CCM2L: variants seen among roughly 807,000 people sequenced by gnomAD.
CCM2L encodes the protein CCM2 like scaffold protein, also known as cerebral cavernous malformations 2 protein-like.
Under a neutral mutation model 54.1 loss-of-function variants are expected in CCM2L, and 36 were observed. That is an observed-to-expected ratio of 0.67 (90% CI 0.51 to 0.88). The LOEUF is 0.88. Among genes scored for constraint, CCM2L ranks in the 40% least tolerant of loss-of-function variants. CCM2L has a pLI of 0.00. For missense variants in CCM2L, 700 were observed against 812.1 expected, an observed-to-expected ratio of 0.86 and a Z score of 1.68; for synonymous variants, 351 against 359.3, an observed-to-expected ratio of 0.98 and a Z score of 0.26.
At chr20:32,018,763 G>A (rs1228367477) in intron 4 of CCM2L, among the ~76,000 whole-genome samples, 180 bp from the exon 5 acceptor site, 1 of 152,182 alleles carries the variant, frequency 6.6e-6, no homozygotes, top group Admixed American at 6.5e-5. Context: ...CTGAGGCCGG[G>A]GGCGGGCCCG....
At chr20:32,020,950 A>C (rs1459647442) in intron 5 of CCM2L, among the ~76,000 whole-genome samples, 2 of 152,184 alleles carry the variant, frequency 1.3e-5, no homozygotes, top group Non-Finnish European at 2.9e-5. Context: ...TGAGCAATAG[A>C]GCAAGACTCC....
intron 1 of CCM2L, among the ~76,000 whole-genome samples, chr20:32,013,407 C>T (rs1056848555): frequency 7.2e-5 from 11 of 152,170 alleles, no homozygotes; most frequent in South Asian, 2.1e-4. Context: ...AAGCTCCCCC[C>T]GTAGTTCGTG....
At position 32,018,873 on chromosome 20, in the gene CCM2L, C is replaced by T. The variant is rs1434497184; in HGVS notation, c.467-70C>T. On this transcript the variant is annotated intron_variant, in intron 4 of 9. Transcript: ENST00000452892. ...AGAGCCGCGAGGTCAGGTGGCCAGC[C>T]GGCCTCGGCGGGGCGGGGGGGTCTC... The T allele has an allele frequency of 7.3e-6, 9 of 1,237,294 alleles. No homozygotes were observed. In the African/African-American group the frequency reaches 7.9e-5, roughly 11 times the overall value. 76.6% of individuals were successfully genotyped at this position (1,237,294 alleles called of 1,614,324 possible).
At chr20:32,022,955 C>G (rs191971562) in intron 6 of CCM2L, among the ~76,000 whole-genome samples, 160 bp downstream of exon 6, 1 of 146,568 alleles carries the variant, frequency 6.8e-6, no homozygotes, top group Non-Finnish European at 1.5e-5. Context: ...TGTCAATTTT[C>G]TTTTTCTTTT....
At chr20:32,018,894 G>T (rs1487084817) in intron 4 of CCM2L, 49 bp from the exon 5 acceptor site, 14 of 1,253,002 alleles carry the variant, frequency 1.1e-5, no homozygotes, top group Non-Finnish European at 1.3e-5. Flanking sequence ...GGGCGGGGGG[G>T]TCTCTGAGTC....
At position 32,014,966 on chromosome 20, in the gene CCM2L, G is replaced by A; in HGVS notation, c.93G>A (p.Arg31=). 2 of 1,599,250 alleles carry A rather than the reference G, an allele frequency of 1.3e-6. No homozygotes were observed. The highest frequency in any genetic ancestry group is 1.1e-5 in the South Asian group (1 of 90,028). Residue 31 remains arginine (R), a synonymous_variant, in exon 2 of 10, where the codon AGG becomes AGA. Coordinates refer to ENST00000452892, the MANE Select transcript of CCM2L (RefSeq NM_001365692.1). ...FPKAGRRAAC[R]SSVSRRPLHS... Reference sequence around the variant, plus strand: ...AGGCCGGGCGCCGGGCAGCCTGTAGGAGCAGCGTGAGCCGCCGGCCCCTGC... The same window carrying A: ...AGGCCGGGCGCCGGGCAGCCTGTAGAAGCAGCGTGAGCCGCCGGCCCCTGC...
At chr20:32,017,918 G>T (rs1413504350) in intron 3 of CCM2L, 35 bp downstream of exon 3, 4 of 1,612,384 alleles carry the variant, frequency 2.5e-6, no homozygotes, top group African/African-American at 1.3e-5. Flanking sequence ...GCAGGATCTC[G>T]CTCCCTTCTC....
Position 32,015,075 on chromosome 20 carries a change from C to A in CCM2L, c.198+4C>A, listed in dbSNP as rs747769124. The A allele has an allele frequency of 2.7e-6, 4 of 1,494,754 alleles. No individual in the cohort carries two copies. Among genetic ancestry groups the A allele is most frequent in the Admixed American group, 2.5e-5 (1 of 40,722 alleles). 92.6% of individuals were successfully genotyped at this position (1,494,754 alleles called of 1,614,324 possible). On this transcript the variant is annotated splice_donor_region_variant and intron_variant, in intron 2 of 9. Transcript: ENST00000452892. ...CTACCTGGAGAAAGAGGTCAAGGTG[C>A]GTGCAGGATGAGAAGGGGTGGGAAA...
chr20:32,011,980 C>G (rs2064699300), intron 1 of CCM2L, among the ~76,000 whole-genome samples: 1 of 151,846 alleles, frequency 6.6e-6, no homozygotes, highest in Admixed American at 6.6e-5. Context: ...GTCTCATAAT[C>G]TAGCCACGGC....
chr20:32,031,243 G>A lies in CCM2L; in HGVS notation c.1645G>A (p.Asp549Asn), dbSNP rs1239719848. The A allele has an allele frequency of 2.3e-6, 3 of 1,298,468 alleles. No homozygotes were observed. Among genetic ancestry groups the A allele is most frequent in the Non-Finnish European group, 2.0e-6 (2 of 988,480 alleles). The allele number at this position is 1,298,468 out of a possible 1,614,324, so 80.4% of individuals were successfully genotyped here. Residue 549 changes from aspartate to asparagine, a missense_variant, in exon 10 of 10, where the codon GAC becomes AAC. Asp to Asn is a conservative substitution (Grantham distance 23, BLOSUM62 1). Coordinates refer to ENST00000452892, the MANE Select transcript of CCM2L (RefSeq NM_001365692.1). ...HDIEALAPDD[D>N]DDDEDEPRGS... ...CATCGAGGCGCTGGCCCCCGATGACGACGACGACGACGAGGATGAGCCCCG... is the reference window on the plus strand; with the variant it reads ...CATCGAGGCGCTGGCCCCCGATGACAACGACGACGACGAGGATGAGCCCCG...
chr20:32,029,648 G>C (rs775422273), intron 8 of CCM2L, 52 bp from the exon 9 acceptor site: 32 of 1,555,414 alleles, frequency 2.1e-5, no homozygotes, highest in Non-Finnish European at 2.7e-5. Context: ...TCAGGCAGGG[G>C]TTGGGTGGCG....
intron 7 of CCM2L, 44 bp downstream of exon 7, chr20:32,025,963 C>T: frequency 7.8e-7 from 1 of 1,277,928 alleles, no homozygotes; most frequent in Non-Finnish European, 1.0e-6. Flanking sequence ...CTCCCCTACC[C>T]CTGCACAAAC....
Position 32,015,021 on chromosome 20 carries a change from C to G in CCM2L, c.148C>G (p.Leu50Val). 1.9e-6 allele frequency: 3 copies of G among 1,561,960 alleles called. No homozygotes were observed. Among genetic ancestry groups the G allele is most frequent in the Non-Finnish European group, 2.6e-6 (3 of 1,156,708 alleles). ...GATGCCCCTTTATCCCCCCGACTAC[C>G]TCATCGACCCCCAGATTCTGCTGTG... ...HSMPLYPPDY[L>V]IDPQILLCDY... The change falls in exon 2 of 10, where the codon CTC becomes GTC. Residue 50 changes from leucine (L) to valine (V), a missense_variant. Coordinates refer to ENST00000452892, the MANE Select transcript of CCM2L (RefSeq NM_001365692.1).
Position 32,029,048 on chromosome 20 carries a change from C to T in CCM2L, c.1187C>T (p.Ser396Phe), listed in dbSNP as rs771691411. Reference protein sequence around the residue: ...EACYSGTSTPSFHGSHCSGSD... With the variant: ...EACYSGTSTPFFHGSHCSGSD... ...TGTTACAGCGGCACGTCCACACCTT[C>T]TTTCCATGGCTCCCACTGCAGCGGC... The change falls in exon 8 of 10, where the codon TCT becomes TTT. Residue 396 changes from serine (S) to phenylalanine (F), a missense_variant. Coordinates refer to ENST00000452892, the MANE Select transcript of CCM2L (RefSeq NM_001365692.1). 14 of 1,614,166 alleles carry T rather than the reference C, an allele frequency of 8.7e-6. No homozygotes were observed. The highest frequency in any genetic ancestry group is 1.2e-5 in the Non-Finnish European group (14 of 1,179,992).
Position 32,019,219 on chromosome 20 carries a change from AGCGGCGGCACGGAGGCGGCGGCG to A in CCM2L, c.752_774del (p.His251ArgfsTer8). On this transcript the variant is annotated frameshift_variant, in exon 5 of 10. Transcript: ENST00000452892. LOFTEE classifies it high-confidence loss of function. ...CGGCAGACGTTCAGCGGCAGCTGGGAGCGGCGGCACGGAGGCGGCGGCGGCGGCGGCGGCGCGGGAAAGCCGGG... is the reference window on the plus strand; with the variant it reads ...CGGCAGACGTTCAGCGGCAGCTGGGAGCGGCGGCGGCGCGGGAAAGCCGGG... 3.5e-6 allele frequency: 4 copies of A among 1,151,744 alleles called. No homozygotes were observed. The highest frequency in any genetic ancestry group is 4.3e-6 in the Non-Finnish European group (4 of 924,276). 71.3% of individuals were successfully genotyped at this position (1,151,744 alleles called of 1,614,324 possible).
At position 32,014,936 on chromosome 20, in the gene CCM2L, C is replaced by T; in HGVS notation, c.63C>T (p.Phe21=). ...TATCCCCCATCCGAAGGCTGGTGTT[C>T]CCCAAGGCCGGGCGCCGGGCAGCCT... The part of the protein sequence containing the change: ...GFVSPIRRLV[F]PKAGRRAACR... The change falls in exon 2 of 10, where the codon TTC becomes TTT. Residue 21 remains phenylalanine (F), a synonymous_variant. Transcript: ENST00000452892. 3 of 1,602,648 alleles carry T rather than the reference C, an allele frequency of 1.9e-6. No individual in the cohort carries two copies. Among genetic ancestry groups the T allele is most frequent in the Non-Finnish European group, 2.6e-6 (3 of 1,174,566 alleles).
chr20:32,018,825 G>C, intron 4 of CCM2L, 118 bp from the exon 5 acceptor site: 1 of 1,155,886 alleles, frequency 8.7e-7, no homozygotes, highest in Non-Finnish European at 1.1e-6. Flanking sequence ...TTAAAGCCGG[G>C]GGCGAGGCGG....
chr20:32,023,780 G>A (rs2064829097), intron 6 of CCM2L, among the ~76,000 whole-genome samples: 1 of 152,236 alleles, frequency 6.6e-6, no homozygotes, highest in South Asian at 2.1e-4. Flanking sequence ...CGCCTGAGCT[G>A]GAGTGCAGTG....
chr20:32,016,262 C>A (rs935147719), intron 2 of CCM2L, among the ~76,000 whole-genome samples: 5 of 152,142 alleles, frequency 3.3e-5, no homozygotes, highest in African/African-American at 9.7e-5. Flanking sequence ...CTAGTAAAAT[C>A]TGAATTTCAG....
Sources: gnomAD v4.1 joint callset for allele counts (sites outside exome capture counted in the v4.1 genomes callset) on GRCh38, gnomAD v4.1.1 for gene constraint, MANE v1.5 for transcripts, NCBI Gene and HGNC (gene_info 2026-07-23, HGNC 2026-07-21) for gene names.